Variants in ANKRD30B observed in about 807,000 individuals in gnomAD.
ANKRD30B encodes the protein ankyrin repeat domain-containing protein 30B.
ANKRD30B carries 144 observed loss-of-function variants against 202.2 expected under a neutral mutation model. That is an observed-to-expected ratio of 0.71 (90% CI 0.62 to 0.82). ANKRD30B has a LOEUF of 0.82. Ranked by LOEUF, ANKRD30B falls within the 40% of genes least tolerant of loss-of-function variation. The probability of loss-of-function intolerance (pLI) is 0.00; values close to 1 mark genes in which losing one functional copy is unlikely to be tolerated. For missense variants in ANKRD30B, 1,487 were observed against 1,669.1 expected, an observed-to-expected ratio of 0.89 and a Z score of 1.90; for synonymous variants, 508 against 561.3, an observed-to-expected ratio of 0.91 and a Z score of 1.34.
At chr18:14,927,038 C>A in the ANKRD30B span, among the ~76,000 whole-genome samples, 3,059 of 151,882 alleles carry the variant, frequency 0.02, 108 homozygotes, top group African/African-American at 0.07. Context: ...GTTTCTTCTT[C>A]TCTTTTTTTT....
chr18:14,753,332 G>T (rs1567976346), intron 3 of ANKRD30B, among the ~76,000 whole-genome samples: 1 of 151,942 alleles, frequency 6.6e-6, no homozygotes, highest in Admixed American at 6.6e-5. Flanking sequence ...TGTGTAAATT[G>T]AGTCAACATG....
chr18:14,912,983 T>C, the ANKRD30B span, among the ~76,000 whole-genome samples: 6 of 152,390 alleles, frequency 3.9e-5, no homozygotes, highest in African/African-American at 1.4e-4. Context: ...TTTGCAATTA[T>C]GCAATTGCTG....
In ANKRD30B at chr18:14,786,751, T is replaced by C. The variant is rs1226101254; in HGVS notation, c.1673-288T>C. On this transcript the variant is annotated intron_variant, in intron 14 of 43. Coordinates refer to ENST00000690538, the MANE Select transcript of ANKRD30B (RefSeq NM_001367607.2). The stretch of plus-strand genomic sequence containing the variant: ...TGAACAGCAAATATAGGACATACTG[T>C]GTTTTACAGGAGAAGAGGATATGAT... Among the ~76,000 whole-genome samples, 3 of 152,214 alleles carry C rather than the reference T, an allele frequency of 2.0e-5. No homozygotes were observed. In the East Asian group the frequency reaches 5.8e-4, roughly 29 times the overall value.
chr18:14,838,333 TTA>T (rs1971268575), intron 36 of ANKRD30B, among the ~76,000 whole-genome samples: 1 of 152,224 alleles, frequency 6.6e-6, no homozygotes, highest in Admixed American at 6.5e-5. Context: ...AACTGTAGTC[TTA>T]GTCTTACTCA....
intron 32 of ANKRD30B, among the ~76,000 whole-genome samples, chr18:14,826,691 T>TCA (rs767398948): frequency 3.3e-4 from 28 of 83,770 alleles, no homozygotes; most frequent in African/African-American, 8.0e-4. Context: ...TCTCTCTCTC[T>TCA]CTCACACACA....
chr18:14,854,827 C>T (rs1395646626), downstream of ANKRD30B, among the ~76,000 whole-genome samples: 8 of 121,016 alleles, frequency 6.6e-5, no homozygotes, highest in African/African-American at 2.7e-4. Context: ...GAGAAACTAT[C>T]CACGAACACA....
chr18:14,749,570 C>T (rs1198641350), intron 1 of ANKRD30B, among the ~76,000 whole-genome samples: 2 of 146,892 alleles, frequency 1.4e-5, no homozygotes, highest in African/African-American at 2.5e-5. Flanking sequence ...ACTTGGGAGG[C>T]TGAGGCGGGA....
chr18:14,937,252 C>T, the ANKRD30B span, among the ~76,000 whole-genome samples: 22 of 152,124 alleles, frequency 1.4e-4, no homozygotes, highest in Non-Finnish European at 2.9e-4. Flanking sequence ...TTCTAGAGAC[C>T]GAGTCACAAA....
At chr18:14,929,902 A>G in the ANKRD30B span, among the ~76,000 whole-genome samples, 1 of 152,174 alleles carries the variant, frequency 6.6e-6, no homozygotes, top group African/African-American at 2.4e-5. Flanking sequence ...ATGACATTTC[A>G]TCTCACAGGG....
the ANKRD30B span, among the ~76,000 whole-genome samples, chr18:14,886,735 T>G: frequency 1.3e-5 from 2 of 152,104 alleles, no homozygotes; most frequent in Non-Finnish European, 1.5e-5. Context: ...GAACAGATAG[T>G]CTGGTAGGCA....
At chr18:14,875,501 T>G in the ANKRD30B span, among the ~76,000 whole-genome samples, 1 of 152,004 alleles carries the variant, frequency 6.6e-6, no homozygotes, top group South Asian at 2.1e-4. Context: ...GTGGCTGGCA[T>G]AGTCAATAAG....
intron 10 of ANKRD30B, among the ~76,000 whole-genome samples, chr18:14,778,398 T>G (rs1598605132): frequency 6.6e-6 from 1 of 152,156 alleles, no homozygotes. Flanking sequence ...TAGAGGATGG[T>G]AAAATAAAAT....
At chr18:14,809,685 A>G (rs937243269) in intron 26 of ANKRD30B, among the ~76,000 whole-genome samples, 1 of 150,976 alleles carries the variant, frequency 6.6e-6, no homozygotes, top group Non-Finnish European at 1.5e-5. Flanking sequence ...GGGGAAACAC[A>G]TCACGCGCTG....
At chr18:14,776,515 A>G (rs1967360272) in intron 9 of ANKRD30B, among the ~76,000 whole-genome samples, 1 of 152,170 alleles carries the variant, frequency 6.6e-6, no homozygotes, top group South Asian at 2.1e-4. Flanking sequence ...GACATTCTGA[A>G]CAGAGAACAG....
the ANKRD30B span, among the ~76,000 whole-genome samples, chr18:14,901,142 T>C: frequency 2.4e-4 from 37 of 152,196 alleles, no homozygotes; most frequent in African/African-American, 8.2e-4. Flanking sequence ...TTGTTAGCCA[T>C]AGAAATAATC....
At chr18:14,764,212 A>G in intron 7 of ANKRD30B, 122 bp downstream of exon 7, 1 of 1,003,110 alleles carries the variant, frequency 1.0e-6, no homozygotes, top group East Asian at 2.7e-5. Context: ...CTTAGGCAAC[A>G]CTTTTTAATA....
chr18:14,750,517 C>T (rs1469722236), intron 1 of ANKRD30B, among the ~76,000 whole-genome samples: 1 of 152,086 alleles, frequency 6.6e-6, no homozygotes, highest in South Asian at 2.1e-4. Context: ...GATGAGTTTT[C>T]AAATAAACAA....
At chr18:14,865,680 C>CTA in the ANKRD30B span, among the ~76,000 whole-genome samples, 1 of 151,012 alleles carries the variant, frequency 6.6e-6, no homozygotes, top group Non-Finnish European at 1.5e-5. Flanking sequence ...GCTCACCATC[C>CTA]TTTTTTCCTT....
At chr18:14,916,180 G>C in the ANKRD30B span, among the ~76,000 whole-genome samples, 1 of 152,212 alleles carries the variant, frequency 6.6e-6, no homozygotes, top group Non-Finnish European at 1.5e-5. Flanking sequence ...GTGCCTAAAG[G>C]GGGTGAGCAC....
Sources: gnomAD v4.1 joint callset for allele counts (sites outside exome capture counted in the v4.1 genomes callset) on GRCh38, gnomAD v4.1.1 for gene constraint, MANE v1.5 for transcripts, NCBI Gene and HGNC (gene_info 2026-07-23, HGNC 2026-07-21) for gene names.